COL22A1: variants seen among roughly 807,000 people sequenced by gnomAD.
The protein encoded by COL22A1 is collagen type XXII alpha 1 chain, also known as collagen alpha-1(XXII) chain.
Under a neutral mutation model 248.9 loss-of-function variants are expected in COL22A1, and 221 were observed. The ratio of observed to expected loss-of-function variants is 0.89; its 90% confidence interval spans 0.80 to 0.99. The LOEUF (loss-of-function observed/expected upper bound fraction) is 0.99, where lower values mean the gene tolerates loss of function less well. COL22A1 is among the 50% of genes least tolerant of loss of function. The pLI, the probability that COL22A1 is intolerant of heterozygous loss-of-function variation, is 0.00. For missense variants in COL22A1, 2,240 were observed against 2,179.0 expected (o/e 1.03, Z -0.56); for synonymous variants, 891 against 793.4 (o/e 1.12, Z -2.07).
At chr8:138,700,597 G>A (rs2130975121) in intron 31 of COL22A1, among the ~76,000 whole-genome samples, 1 of 152,276 alleles carries the variant, frequency 6.6e-6, no homozygotes, top group South Asian at 2.1e-4. Context: ...TAGGAGAGGA[G>A]GGGAAATCCC....
chr8:138,652,583 C>T (rs1259728411), intron 45 of COL22A1, among the ~76,000 whole-genome samples: 1 of 151,996 alleles, frequency 6.6e-6, no homozygotes, highest in Non-Finnish European at 1.5e-5. Flanking sequence ...GATCATTCTC[C>T]TACTTTAGGA....
intron 41 of COL22A1, 63 bp downstream of exon 41, chr8:138,676,495 G>A (rs1825565900): frequency 4.2e-6 from 3 of 720,368 alleles, no homozygotes; most frequent in Non-Finnish European, 6.1e-6. Flanking sequence ...TCTGCAGGCA[G>A]GTCCAACAGG....
intron 26 of COL22A1, among the ~76,000 whole-genome samples, 170 bp from the exon 27 acceptor site, chr8:138,720,962 C>T (rs1462253277): frequency 1.3e-5 from 2 of 152,146 alleles, no homozygotes; most frequent in African/African-American, 4.8e-5. Flanking sequence ...GCAGCTCATT[C>T]AGCCTCCTAG....
Position 138,877,927 on chromosome 8 carries a change from C to A in COL22A1, c.481G>T (p.Ala161Ser). 6.2e-7 allele frequency: 1 copy of A among 1,605,402 alleles called. No individual in the cohort carries two copies. Among genetic ancestry groups the A allele is most frequent in the African/African-American group, 1.3e-5 (1 of 74,838 alleles). The change falls in exon 3 of 65, where the codon GCC becomes TCC. Residue 161 changes from alanine (A) to serine (S), a missense_variant. Physicochemically the swap from Ala to Ser is moderately conservative, Grantham distance 99 (BLOSUM62 1). Transcript: ENST00000303045. ...CCAGCGCGGTGGGCTGCCGCCGCGG[C>A]GTCCAGCACCAGGTCCTGGCTGCGG... ...DGRSQDLVLD[A>S]AAAAHRAGIR...
chr8:138,684,194 G>A (rs547204110), intron 39 of COL22A1, among the ~76,000 whole-genome samples: 18 of 151,498 alleles, frequency 1.2e-4, no homozygotes, highest in Admixed American at 9.9e-4. Context: ...AACCCAGGAG[G>A]TTGAAGTTGC....
intron 1 of COL22A1, among the ~76,000 whole-genome samples, chr8:138,902,163 C>T (rs1273911865): frequency 1.4e-4 from 22 of 152,144 alleles, no homozygotes; most frequent in Admixed American, 1.3e-3. Flanking sequence ...AGAGGCACCA[C>T]GTGGATGCCC....
chr8:138,786,172 G>A (rs141245960), intron 12 of COL22A1, among the ~76,000 whole-genome samples: 299 of 152,296 alleles, frequency 2.0e-3, no homozygotes, highest in Non-Finnish European at 9.4e-4. Context: ...AAAACTAGGC[G>A]TGTTGGTTTT....
chr8:138,851,482 T>G (rs867655823), intron 3 of COL22A1, among the ~76,000 whole-genome samples: 2 of 152,222 alleles, frequency 1.3e-5, no homozygotes, highest in South Asian at 4.1e-4. Context: ...TGGTTGTTAC[T>G]ATGTATGAGT....
chr8:138,714,443 A>T (rs1247060766), intron 30 of COL22A1, among the ~76,000 whole-genome samples: 1 of 152,120 alleles, frequency 6.6e-6, no homozygotes. Context: ...TGAGATGCTG[A>T]GGATGTCAGG....
chr8:138,889,457 G>A (rs1043026480), intron 1 of COL22A1, among the ~76,000 whole-genome samples: 11 of 151,978 alleles, frequency 7.2e-5, no homozygotes, highest in Admixed American at 2.6e-4. Context: ...GTAAACTATC[G>A]CAAGGACAAA....
intron 44 of COL22A1, among the ~76,000 whole-genome samples, chr8:138,657,472 C>G (rs1247606018): frequency 6.6e-6 from 1 of 152,176 alleles, no homozygotes; most frequent in Non-Finnish European, 1.5e-5. Context: ...TGGCTGGGCA[C>G]CAGTCACAAA....
At chr8:138,791,573 C>T (rs906750977) in intron 12 of COL22A1, among the ~76,000 whole-genome samples, 1 of 152,160 alleles carries the variant, frequency 6.6e-6, no homozygotes, top group Non-Finnish European at 1.5e-5. Context: ...TGGTAATTAG[C>T]TTCTTATTTG....
chr8:138,726,284 G>T (rs1030433306), intron 23 of COL22A1, among the ~76,000 whole-genome samples: 2 of 151,926 alleles, frequency 1.3e-5, no homozygotes, highest in Non-Finnish European at 1.5e-5. Flanking sequence ...TACAGGCCAG[G>T]AGTTTGAGAC....
At chr8:138,672,250 T>C (rs1825097615) in intron 41 of COL22A1, among the ~76,000 whole-genome samples, 2 of 151,932 alleles carry the variant, frequency 1.3e-5, no homozygotes, top group African/African-American at 4.8e-5. Context: ...CCTGCTAGAG[T>C]TTCTGGGAGA....
Position 138,877,745 on chromosome 8 carries a change from C to A in COL22A1, c.658+5G>T. 1 of 1,571,208 alleles carries A rather than the reference C, an allele frequency of 6.4e-7. No individual in the cohort carries two copies. ...AGGGGCCGCATGGGGCCCGGGCGCA[C>A]TCACTTTCACAAAGACGGCGCCGCA... On this transcript the variant is annotated splice_donor_5th_base_variant and intron_variant, in intron 3 of 64. Coordinates refer to ENST00000303045, the MANE Select transcript of COL22A1 (RefSeq NM_152888.3).
At chr8:138,593,972 C>A in intron 63 of COL22A1, 45 bp downstream of exon 63, 3 of 1,418,826 alleles carry the variant, frequency 2.1e-6, no homozygotes, top group Non-Finnish European at 2.8e-6. Flanking sequence ...CCTTCTCCGC[C>A]CTCCAGGAGT....
chr8:138,660,853 T>C (rs62527894), intron 43 of COL22A1, among the ~76,000 whole-genome samples: 91,801 of 125,640 alleles, frequency 0.73, 32,666 homozygotes, highest in Non-Finnish European at 0.83. Flanking sequence ...CACACACACA[T>C]ACACAGACAC....
chr8:138,703,794 G>C (rs1828169446), intron 30 of COL22A1, among the ~76,000 whole-genome samples: 1 of 152,158 alleles, frequency 6.6e-6, no homozygotes, highest in African/African-American at 2.4e-5. Flanking sequence ...AGTGTGTGCA[G>C]CCCACGGAGT....
Position 138,807,809 on chromosome 8 carries a change from C to A in COL22A1, c.1453G>T (p.Glu485Ter). 6.2e-7 allele frequency: 1 copy of A among 1,613,954 alleles called. No homozygotes were observed. Among genetic ancestry groups the A allele is most frequent in the Non-Finnish European group, 8.5e-7 (1 of 1,179,866 alleles). Reference protein sequence around the residue: ...NCSCPAGEKGEMGVAGPMGLP... With the variant: ...NCSCPAGEKG ...CCCATGGGGCCAGCAACTCCCATTT[C>A]ACCCTAAAAGAAGAAAGACAACAAA... Residue 485 changes from glutamate to a stop codon, truncating the protein, a stop_gained, in exon 10 of 65, where the codon GAA (glutamate) becomes TAA (stop). Transcript: ENST00000303045. LOFTEE classifies it high-confidence loss of function.
Sources: gnomAD v4.1 joint callset for allele counts (sites outside exome capture counted in the v4.1 genomes callset) on GRCh38, gnomAD v4.1.1 for gene constraint, MANE v1.5 for transcripts, NCBI Gene and HGNC (gene_info 2026-07-23, HGNC 2026-07-21) for gene names.